Variants in SOX6 observed in about 807,000 individuals in gnomAD.
The protein encoded by SOX6 is transcription factor SOX-6.
In SOX6, 11 loss-of-function variants were observed where a neutral mutation model predicts 97.8. The ratio of observed to expected loss-of-function variants is 0.11; its 90% CI spans 0.07 to 0.19. The LOEUF (loss-of-function observed/expected upper bound fraction) is 0.19. Among genes scored for constraint, SOX6 ranks in the 10% least tolerant of loss-of-function variants. SOX6 has a pLI of 1.00. For missense variants in SOX6, 810 were observed against 1,039.5 expected, an observed-to-expected ratio of 0.78 and a Z score of 3.04; for synonymous variants, 360 against 371.4, an observed-to-expected ratio of 0.97 and a Z score of 0.35.
chr11:15,968,134 T>A lies in SOX6; in HGVS notation c.*4675A>T, dbSNP rs879194935. 25 of 152,178 alleles carry A rather than the reference T, an allele frequency of 1.6e-4. No individual in the cohort carries two copies. Among genetic ancestry groups the A allele is most frequent in the African/African-American group, 5.8e-4 (24 of 41,450 alleles). The allele number at this position is 152,178 out of a possible 1,614,324, so 9.4% of individuals were successfully genotyped here. A position where few individuals can be genotyped will look rare whatever the true frequency, so the allele number is the denominator to read the frequency against. Reference sequence around the variant, plus strand: ...AAGTTGTTTATTAGGGAAGAAAACATGTCAGGGAGCAGATGACTTAAGGAA... The same window carrying A: ...AAGTTGTTTATTAGGGAAGAAAACAAGTCAGGGAGCAGATGACTTAAGGAA... On this transcript the variant is annotated 3_prime_UTR_variant, in exon 16 of 16. Coordinates refer to ENST00000683767, the MANE Select transcript of SOX6 (RefSeq NM_001367873.1).
chr11:16,426,730 C>T (rs1015142383), intron 1 of SOX6, among the ~76,000 whole-genome samples: 13 of 151,398 alleles, frequency 8.6e-5, no homozygotes, highest in East Asian at 2.0e-4. Flanking sequence ...CCGGCTAAAA[C>T]GGTGAAACCC....
At chr11:16,385,173 T>C (rs948646126) in intron 1 of SOX6, among the ~76,000 whole-genome samples, 1 of 152,110 alleles carries the variant, frequency 6.6e-6, no homozygotes, top group African/African-American at 2.4e-5. Context: ...ACAGTTAATC[T>C]GTGGCAGAAT....
intron 6 of SOX6, among the ~76,000 whole-genome samples, chr11:16,164,188 C>T (rs572136133): frequency 1.8e-4 from 27 of 152,104 alleles, no homozygotes; most frequent in Non-Finnish European, 3.7e-4. Context: ...AGGCTGGTCT[C>T]AAACTCCTGG....
At chr11:16,225,763 T>C (rs1398949763) in intron 4 of SOX6, among the ~76,000 whole-genome samples, 2 of 152,188 alleles carry the variant, frequency 1.3e-5, no homozygotes, top group Admixed American at 6.5e-5. Context: ...ACCATGACTT[T>C]TGTGTTTCTG....
intron 3 of SOX6, chr11:16,316,583 G>A (rs761060000): frequency 2.0e-5 from 3 of 151,918 alleles, no homozygotes; most frequent in Non-Finnish European, 2.9e-5. Context: ...CAAAGAGGAC[G>A]AAGAGAAAAT....
intron 13 of SOX6, among the ~76,000 whole-genome samples, chr11:16,004,052 A>G (rs556592492): frequency 6.6e-6 from 1 of 151,716 alleles, no homozygotes; most frequent in Non-Finnish European, 1.5e-5. Flanking sequence ...ATATGTGTGT[A>G]TATATATACA....
intron 4 of SOX6, among the ~76,000 whole-genome samples, chr11:16,571,334 A>G (rs1847935867): frequency 6.6e-6 from 1 of 152,186 alleles, no homozygotes; most frequent in South Asian, 2.1e-4. Context: ...GGATATAGCA[A>G]TATTACCCCC....
At chr11:16,718,430 C>T (rs1044017812) in intron 2 of SOX6, among the ~76,000 whole-genome samples, 4 of 152,078 alleles carry the variant, frequency 2.6e-5, no homozygotes, top group Admixed American at 1.3e-4. Flanking sequence ...AACATGTCAC[C>T]TGCAAAGTTA....
intron 3 of SOX6, among the ~76,000 whole-genome samples, chr11:16,674,526 C>T (rs535766761): frequency 2.0e-5 from 3 of 152,296 alleles, no homozygotes; most frequent in East Asian, 3.9e-4. Flanking sequence ...AGTAATTCAA[C>T]GTAGTACTGA....
At chr11:16,535,416 T>C (rs1281754733) in intron 4 of SOX6, among the ~76,000 whole-genome samples, 1 of 152,216 alleles carries the variant, frequency 6.6e-6, no homozygotes, top group Non-Finnish European at 1.5e-5. Context: ...CAGTGGCCTG[T>C]AGTCCCAGCA....
intron 4 of SOX6, among the ~76,000 whole-genome samples, chr11:16,521,044 G>C (rs1036471823): frequency 1.3e-5 from 2 of 152,204 alleles, no homozygotes; most frequent in African/African-American, 4.8e-5. Context: ...CTCCACCTCT[G>C]GGGGCAGGGC....
At chr11:16,312,989 T>C (rs1351810154) in intron 3 of SOX6, 1 of 152,150 alleles carries the variant, frequency 6.6e-6, no homozygotes, top group Non-Finnish European at 1.5e-5. Context: ...CCTACCTACA[T>C]ACCAATTTAC....
At chr11:16,050,042 T>C in intron 10 of SOX6, 104 bp from the exon 11 acceptor site, 2 of 1,148,356 alleles carry the variant, frequency 1.7e-6, no homozygotes, top group Non-Finnish European at 2.6e-6. Flanking sequence ...AATGCCACAT[T>C]CTCCTACAAT....
At chr11:16,016,662 T>A (rs1028323763) in intron 12 of SOX6, among the ~76,000 whole-genome samples, 4 of 152,048 alleles carry the variant, frequency 2.6e-5, no homozygotes, top group African/African-American at 7.2e-5. Context: ...AATCAGCCAA[T>A]TTCTATTTTT....
intron 3 of SOX6, among the ~76,000 whole-genome samples, chr11:16,242,581 C>T (rs1853226571): frequency 1.3e-5 from 2 of 151,250 alleles, no homozygotes; most frequent in Non-Finnish European, 1.5e-5. Context: ...ACTTTCTCAA[C>T]ATGATGCAAC....
intron 9 of SOX6, among the ~76,000 whole-genome samples, chr11:16,060,668 C>T (rs1012231917): frequency 4.0e-5 from 6 of 151,806 alleles, no homozygotes; most frequent in South Asian, 2.1e-4. Flanking sequence ...AAAATAATTT[C>T]GCAGCTCACC....
chr11:16,431,676 C>A (rs1859275198), intron 1 of SOX6, among the ~76,000 whole-genome samples: 1 of 152,072 alleles, frequency 6.6e-6, no homozygotes, highest in African/African-American at 2.4e-5. Flanking sequence ...CTTTTAACAA[C>A]TATGAAGCAT....
intron 4 of SOX6, among the ~76,000 whole-genome samples, chr11:16,536,863 C>T (rs1337162764): frequency 3.9e-5 from 6 of 152,258 alleles, no homozygotes; most frequent in Non-Finnish European, 7.3e-5. Context: ...GGCTCCACCA[C>T]TGTAGGCAGG....
chr11:16,265,706 A>G (rs969857668), intron 3 of SOX6, among the ~76,000 whole-genome samples: 19 of 152,062 alleles, frequency 1.2e-4, no homozygotes, highest in African/African-American at 4.3e-4. Flanking sequence ...TTGCTAAGCT[A>G]GTAGAAAGAT....
Sources: allele counts gnomAD v4.1 joint callset (sites outside exome capture counted in the v4.1 genomes callset), GRCh38; gene constraint gnomAD v4.1.1; transcripts MANE v1.5; gene names NCBI Gene and HGNC (gene_info 2026-07-23, HGNC 2026-07-21).